The following KIF5A variants were observed in gnomAD, a reference collection of about 807,000 sequenced individuals.
The protein encoded by KIF5A is kinesin family member 5A, also known as kinesin heavy chain isoform 5A.
KIF5A carries 35 observed loss-of-function variants against 141.3 expected under a neutral mutation model. The observed-to-expected ratio is 0.25, with a 90% CI of 0.19 to 0.33. The LOEUF (loss-of-function observed/expected upper bound fraction) is 0.33, where lower values mean the gene tolerates loss of function less well. KIF5A is among the 10% of genes least tolerant of loss of function. The pLI, the probability that KIF5A is intolerant of heterozygous loss-of-function variation, is 1.00. For synonymous variants in KIF5A, 448 were observed against 500.2 expected (o/e 0.90, Z 1.39); for missense variants, 861 against 1,314.3 (o/e 0.66, Z 5.33).
chr12:57,575,370 G>A, intron 16 of KIF5A, 98 bp downstream of exon 16: 1 of 1,333,950 alleles, frequency 7.5e-7, no homozygotes, highest in South Asian at 1.2e-5. Context: ...TTATGTCAAA[G>A]TTCTGGGGTC....
At position 57,572,791 on chromosome 12, in the gene KIF5A, T is replaced by A. The variant is rs77451723; in HGVS notation, c.1716+65T>A. 134 of 1,587,382 alleles carry A rather than the reference T, an allele frequency of 8.4e-5. 1 individual carries two copies. In the East Asian group the frequency reaches 2.6e-3, roughly 31 times the overall value. On this transcript the variant is annotated intron_variant, in intron 15 of 28. Coordinates refer to ENST00000455537, the MANE Select transcript of KIF5A (RefSeq NM_004984.4). This position sits in a 1 kb window ranked among gnomAD's most constrained non-coding sequence, Gnocchi z 4.2. ...CTAGTGGAAGACGCAAGATGAGCCATCCAGGCCTTCACAGATACTGAGAAA... is the reference window on the plus strand; with the variant it reads ...CTAGTGGAAGACGCAAGATGAGCCAACCAGGCCTTCACAGATACTGAGAAA...
chr12:57,559,635 C>T (rs1038677876), intron 1 of KIF5A, among the ~76,000 whole-genome samples: 14 of 152,118 alleles, frequency 9.2e-5, no homozygotes, highest in Non-Finnish European at 2.1e-4. Flanking sequence ...CTACACAGAT[C>T]AAGATCTAGA....
intron 24 of KIF5A, 24 bp from the exon 25 acceptor site, chr12:57,581,391 G>C: frequency 1.2e-6 from 2 of 1,613,220 alleles, no homozygotes; most frequent in Non-Finnish European, 1.7e-6. Context: ...GCCTCCTCAT[G>C]GTTGTTTTCT....
At chr12:57,561,330 G>A (rs1253330250) in intron 1 of KIF5A, among the ~76,000 whole-genome samples, 3 of 152,090 alleles carry the variant, frequency 2.0e-5, no homozygotes, top group Non-Finnish European at 2.9e-5. Flanking sequence ...ATGAGTCACC[G>A]TGCCCAGCCC....
rs148888970 is a variant in KIF5A, at chr12:57,570,097, G to A, written c.1228G>A (p.Ala410Thr). Residue 410 changes from alanine (A) to threonine (T), a missense_variant, in exon 12 of 29, where the codon GCG (alanine) becomes ACG (threonine). Transcript: ENST00000455537. Reference protein sequence around the residue: ...NDNSSIVVRIAPEERQKYEEE... With the variant: ...NDNSSIVVRITPEERQKYEEE... The stretch of plus-strand genomic sequence containing the variant: ...CAACTCATCCATCGTGGTGCGCATC[G>A]CGCCCGAGGAGCGGCAGAAATACGA... 22 of 1,614,054 alleles carry A rather than the reference G, an allele frequency of 1.4e-5. No individual in the cohort carries two copies. The highest frequency in any genetic ancestry group is 1.8e-5 in the Non-Finnish European group (21 of 1,180,034).
Position 57,576,098 on chromosome 12 carries a change from G to A in KIF5A, c.2035G>A (p.Glu679Lys), listed in dbSNP as rs1191059574. The A allele has an allele frequency of 1.2e-6, 2 of 1,614,178 alleles. No individual in the cohort carries two copies. Among genetic ancestry groups the A allele is most frequent in the African/African-American group, 1.3e-5 (1 of 75,062 alleles). Residue 679 changes from glutamate (E) to lysine (K), a missense_variant, in exon 18 of 29, where the codon GAA becomes AAA. Around this residue, in one of 5 missense-constraint regions of KIF5A, gnomAD observed 482 missense variants for 661.3 expected, o/e 0.73. Coordinates refer to ENST00000455537, the MANE Select transcript of KIF5A (RefSeq NM_004984.4). ...CCTCTTTCCCTTAGAAACTGTGCATGAAGTGGCCCTGAAGGACAAGGAGCC... is the reference window on the plus strand; with the variant it reads ...CCTCTTTCCCTTAGAAACTGTGCATAAAGTGGCCCTGAAGGACAAGGAGCC... Reference protein sequence around the residue: ...AKLQAQETVHEVALKDKEPDT... With the variant: ...AKLQAQETVHKVALKDKEPDT...
intron 25 of KIF5A, 123 bp from the exon 26 acceptor site, chr12:57,581,747 C>T: frequency 8.2e-7 from 1 of 1,225,154 alleles, no homozygotes; most frequent in South Asian, 1.2e-5. Flanking sequence ...GTTTGTTTTC[C>T]TCTGCTCTCT....
At chr12:57,562,759 GAT>G (rs141766487) in intron 1 of KIF5A, among the ~76,000 whole-genome samples, 1,928 of 152,300 alleles carry the variant, frequency 0.013, 19 homozygotes, top group Middle Eastern at 0.024. Context: ...TGTTGAGGAA[GAT>G]ATTTCTAGCT....
intron 4 of KIF5A, 30 bp downstream of exon 4, chr12:57,564,242 G>A: frequency 6.9e-7 from 1 of 1,452,146 alleles, no homozygotes; most frequent in Non-Finnish European, 9.7e-7. Context: ...TGGGCATTCA[G>A]ATGGGGACTG....
Position 57,582,811 on chromosome 12 carries a change from A to G in KIF5A, c.3020+182A>G, listed in dbSNP as rs188162758. On this transcript the variant is annotated intron_variant, in intron 27 of 28. Transcript: ENST00000455537. Reference sequence around the variant, plus strand: ...TCATTCCCCTGCCTCAGTGCAGAATATCTCCCCTCCTCCAATCCCATCTGT... The same window carrying G: ...TCATTCCCCTGCCTCAGTGCAGAATGTCTCCCCTCCTCCAATCCCATCTGT... 222 of 666,200 alleles carry G rather than the reference A, an allele frequency of 3.3e-4. 1 individual carries two copies. The highest frequency in any genetic ancestry group is 1.8e-3 in the Admixed American group (75 of 42,430). 41.3% of individuals were successfully genotyped at this position (666,200 alleles called of 1,614,324 possible).
At chr12:57,571,936 C>T (rs899665394) in intron 13 of KIF5A, 125 bp from the exon 14 acceptor site, 16 of 786,028 alleles carry the variant, frequency 2.0e-5, no homozygotes, top group Middle Eastern at 7.0e-4. Flanking sequence ...TTCTATGAAA[C>T]CTAAAGCCCA....
intron 12 of KIF5A, among the ~76,000 whole-genome samples, chr12:57,570,851 T>C (rs989028824): frequency 2.6e-5 from 4 of 152,094 alleles, no homozygotes; most frequent in Admixed American, 2.6e-4. Flanking sequence ...AGTGCAGTGG[T>C]GCAGTAATAG....
Position 57,572,493 on chromosome 12 carries a change from G to T in KIF5A, c.1570-87G>T. On this transcript the variant is annotated intron_variant, in intron 14 of 28. Transcript: ENST00000455537. The surrounding 1 kb of genome is among the most constrained non-coding windows in gnomAD (Gnocchi z 4.2). ...TGTTCTCTTCATAGCAGCCCTCAGG[G>T]TCTTGCATGAAGGGAGAGGCCTCTG... 6.4e-7 allele frequency: 1 copy of T among 1,559,362 alleles called. No homozygotes were observed. The highest frequency in any genetic ancestry group is 8.8e-7 in the Non-Finnish European group (1 of 1,137,174).
At chr12:57,581,338 C>T in intron 24 of KIF5A, 77 bp from the exon 25 acceptor site, 1 of 1,593,654 alleles carries the variant, frequency 6.3e-7, no homozygotes, top group African/African-American at 1.3e-5. Context: ...CAGTTCAACC[C>T]CAGCTAAATG....
intron 15 of KIF5A, among the ~76,000 whole-genome samples, chr12:57,574,533 A>G (rs1225514589): frequency 6.7e-6 from 1 of 148,694 alleles, no homozygotes; most frequent in Non-Finnish European, 1.5e-5. Context: ...CGGCCTCCCA[A>G]AGTGTTGGGA....
At chr12:57,583,068 A>G (rs1037072904) in intron 27 of KIF5A, 33 bp from the exon 28 acceptor site, 2 of 1,561,408 alleles carry the variant, frequency 1.3e-6, no homozygotes, top group East Asian at 2.2e-5. Context: ...TTTAATTTCT[A>G]TGGAGCTGAT....
intron 26 of KIF5A, 139 bp from the exon 27 acceptor site, chr12:57,582,463 G>T (rs996238335): frequency 3.9e-6 from 3 of 761,924 alleles, no homozygotes; most frequent in Non-Finnish European, 7.0e-6. Context: ...TGTAGCTTGG[G>T]ATAACTAAGG....
chr12:57,550,086 G>T lies in KIF5A; in HGVS notation c.-186G>T. ...CAGACGCCCAGGTCGCCCGCATCCCGCTGCCGCAGGAGAGAGACAGCGCGC... is the reference window on the plus strand; with the variant it reads ...CAGACGCCCAGGTCGCCCGCATCCCTCTGCCGCAGGAGAGAGACAGCGCGC... On this transcript the variant is annotated 5_prime_UTR_variant, in exon 1 of 29. Coordinates refer to ENST00000455537, the MANE Select transcript of KIF5A (RefSeq NM_004984.4). The surrounding 1 kb of genome is among the most constrained non-coding windows in gnomAD (Gnocchi z 4.6). The T allele has an allele frequency of 1.4e-6, 1 of 708,728 alleles. No homozygotes were observed. The highest frequency in any genetic ancestry group is 2.4e-6 in the Non-Finnish European group (1 of 424,270). 43.9% of individuals were successfully genotyped at this position (708,728 alleles called of 1,614,324 possible).
In KIF5A at chr12:57,583,122, T is replaced by C. The variant is rs1243963045; in HGVS notation, c.3042T>C (p.Tyr1014=). 1 of 1,614,070 alleles carries C rather than the reference T, an allele frequency of 6.2e-7. No homozygotes were observed. The highest frequency in any genetic ancestry group is 1.7e-5 in the Admixed American group (1 of 60,014). ...NDNRSDLPCG[Y]EAEDQAKLFP... Reference sequence around the variant, plus strand: ...CCAGGAGTGACCTGCCGTGTGGCTATGAGGCTGAGGACCAGGCCAAGCTTT... The same window carrying C: ...CCAGGAGTGACCTGCCGTGTGGCTACGAGGCTGAGGACCAGGCCAAGCTTT... The change falls in exon 28 of 29, where the codon TAT becomes TAC. Residue 1014 remains tyrosine, a synonymous_variant. Coordinates refer to ENST00000455537, the MANE Select transcript of KIF5A (RefSeq NM_004984.4).
Sources: allele counts gnomAD v4.1 joint callset (sites outside exome capture counted in the v4.1 genomes callset), GRCh38; gene constraint gnomAD v4.1.1; regional missense constraint gnomAD v4.1.1; non-coding constraint Gnocchi (gnomAD v3.1); transcripts MANE v1.5; gene names NCBI Gene and HGNC (gene_info 2026-07-23, HGNC 2026-07-21).